AMPD3: variants seen among roughly 807,000 people sequenced by gnomAD.
AMPD3 encodes the protein AMP deaminase 3.
In AMPD3, 57 loss-of-function variants were observed where a neutral mutation model predicts 82.3. The ratio of observed to expected loss-of-function variants is 0.69; its 90% confidence interval spans 0.56 to 0.86. AMPD3 has a LOEUF of 0.86. Ranked by LOEUF, AMPD3 falls within the 40% of genes least tolerant of loss-of-function variation. AMPD3 has a pLI of 0.00. For synonymous variants in AMPD3, 381 were observed against 394.7 expected (o/e 0.97, Z 0.41); for missense variants, 870 against 1,003.8 (o/e 0.87, Z 1.80).
intron 4 of AMPD3, chr11:10,484,334 T>A: frequency 2.0e-6 from 2 of 985,258 alleles, no homozygotes; most frequent in Non-Finnish European, 2.4e-6. Flanking sequence ...AGGGAGTGGC[T>A]TCTTTATCTA....
intron 4 of AMPD3, 57 bp from the exon 5 acceptor site, chr11:10,484,763 C>A: frequency 1.3e-6 from 2 of 1,589,292 alleles, no homozygotes; most frequent in African/African-American, 1.3e-5. Context: ...GTCTTTTGAG[C>A]CCATGTGTGC....
chr11:10,501,345 C>G, intron 11 of AMPD3, 125 bp from the exon 12 acceptor site: 1 of 1,480,826 alleles, frequency 6.8e-7, no homozygotes, highest in Non-Finnish European at 9.0e-7. Flanking sequence ...CCAGGGTGCA[C>G]TGGGTCAGCA....
chr11:10,490,715 G>T, intron 6 of AMPD3: 1 of 918,796 alleles, frequency 1.1e-6, no homozygotes, highest in African/African-American at 1.8e-5. Context: ...CCCCCCTGTG[G>T]TGTGTCATTG....
chr11:10,487,054 T>C (rs1367518212), intron 5 of AMPD3, 181 bp from the exon 6 acceptor site: 4 of 972,920 alleles, frequency 4.1e-6, no homozygotes, highest in Non-Finnish European at 4.9e-6. Context: ...ACTGACTTTA[T>C]AGAGTCTGTG....
chr11:10,493,373 G>A lies in AMPD3; in HGVS notation c.964G>A (p.Ala322Thr), dbSNP rs753220264. 30 of 1,614,036 alleles carry A rather than the reference G, an allele frequency of 1.9e-5. No individual in the cohort carries two copies. The highest frequency in any genetic ancestry group is 1.1e-4 in the East Asian group (5 of 44,886). Reference sequence around the variant, plus strand: ...GGTGGACACACACATCCATGCGGCCGCCTGCATGAACCAAAAGCATCTGCT... The same window carrying A: ...GGTGGACACACACATCCATGCGGCCACCTGCATGAACCAAAAGCATCTGCT... ...RKVDTHIHAA[A>T]CMNQKHLLRF... is the part of the protein sequence containing the mutation. The change falls in exon 7 of 15, where the codon GCC (alanine) becomes ACC (threonine). Residue 322 changes from alanine (A) to threonine (T), a missense_variant. Coordinates refer to ENST00000396553, the MANE Select transcript of AMPD3 (RefSeq NM_001025389.2).
chr11:10,483,796 A>G (rs1408622569), intron 4 of AMPD3, among the ~76,000 whole-genome samples: 1 of 152,248 alleles, frequency 6.6e-6, no homozygotes, highest in East Asian at 1.9e-4. Context: ...CCAAGCACAG[A>G]TGGAGGATGC....
chr11:10,451,102 C>T, upstream of AMPD3: 9 of 1,545,070 alleles, frequency 5.8e-6, no homozygotes, highest in East Asian at 2.4e-5. Context: ...CCCTGCGGCC[C>T]AGGCGGGAAT....
rs949416880 is a variant in AMPD3 at position 10,460,908 on chromosome 11, G to A, written c.-5-607G>A. On this transcript the variant is annotated intron_variant, in intron 1 of 14. Coordinates refer to ENST00000396553, the MANE Select transcript of AMPD3 (RefSeq NM_001025389.2). ...GAGTGAGTTTTCAGCTGGGTAAAGA[G>A]TGTTCTAAAACCTTTATTTTATTTG... 3.0e-6 allele frequency: 3 copies of A among 985,322 alleles called. No individual in the cohort carries two copies. The African/African-American group carries it at 5.2e-5, about 17-fold the overall frequency. The allele number at this position is 985,322 out of a possible 1,614,324, so 61.0% of individuals were successfully genotyped here. A position where few individuals can be genotyped will look rare whatever the true frequency, so the allele number is the denominator to read the frequency against.
chr11:10,462,421 G>A (rs1349734917), intron 2 of AMPD3, among the ~76,000 whole-genome samples: 1 of 152,172 alleles, frequency 6.6e-6, no homozygotes, highest in Non-Finnish European at 1.5e-5. Context: ...TGGAGCCAAG[G>A]TGGAGTCGCC....
chr11:10,487,619 G>C (rs1308041863), intron 6 of AMPD3, among the ~76,000 whole-genome samples: 2 of 152,210 alleles, frequency 1.3e-5, no homozygotes, highest in Non-Finnish European at 2.9e-5. Flanking sequence ...ATATCTGTTG[G>C]GATGTGCCCT....
In AMPD3 at chr11:10,506,335, A is replaced by G. The variant is rs1358678930; in HGVS notation, c.*451A>G. On this transcript the variant is annotated 3_prime_UTR_variant, in exon 15 of 15. Transcript: ENST00000396553. The surrounding 1 kb of genome is among the most constrained non-coding windows in gnomAD (Gnocchi z 4.1). ...AATCAATTTCAAAGCTCCATTTCATAAAGGGGCTACTTTGAAGGAGTTAAG... is the reference window on the plus strand; with the variant it reads ...AATCAATTTCAAAGCTCCATTTCATGAAGGGGCTACTTTGAAGGAGTTAAG... 4.9e-6 allele frequency: 1 copy of G among 204,578 alleles called. No individual in the cohort carries two copies. Among genetic ancestry groups the G allele is most frequent in the Non-Finnish European group, 1.0e-5 (1 of 98,584 alleles). The allele number at this position is 204,578 out of a possible 1,614,324, so 12.7% of individuals were successfully genotyped here.
chr11:10,495,158 G>C, intron 8 of AMPD3, 128 bp downstream of exon 8: 3 of 1,598,728 alleles, frequency 1.9e-6, no homozygotes, highest in Non-Finnish European at 2.6e-6. Flanking sequence ...AGGGAAGGGT[G>C]AGGTGCCCAG....
At chr11:10,480,047 C>A in intron 3 of AMPD3, 1 of 823,350 alleles carries the variant, frequency 1.2e-6, no homozygotes, top group Non-Finnish European at 1.5e-6. Flanking sequence ...CAGCCTGTAG[C>A]ATATAATAGC....
In AMPD3 at chr11:10,466,401, T is replaced by G. The variant is rs186392664; in HGVS notation, c.221+4661T>G. Among the ~76,000 whole-genome samples, 236 of 152,150 alleles carry G rather than the reference T, an allele frequency of 1.6e-3. 1 individual carries two copies. Among genetic ancestry groups the G allele is most frequent in the African/African-American group, 5.3e-3 (218 of 41,504 alleles). On this transcript the variant is annotated intron_variant, in intron 2 of 14. Transcript: ENST00000396553. ...GAGGCTTGAGTAGGAGGTTTTACCC[T>G]CACAGTGTAAACAAAGCCACCAGGA...
In AMPD3 at chr11:10,500,086, G is replaced by A; in HGVS notation, c.1558G>A (p.Val520Met). ...GGTGCTCAGGACCTCTCCTGCCCAGGTGACGGGGTTTGACAGCGTGGATGA... is the reference window on the plus strand; with the variant it reads ...GGTGCTCAGGACCTCTCCTGCCCAGATGACGGGGTTTGACAGCGTGGATGA... ...HRELHLFLKYVTGFDSVDDES... is the reference protein window; with the variant it reads ...HRELHLFLKYMTGFDSVDDES... Residue 520 changes from valine (V) to methionine (M), a missense_variant and splice_region_variant, in exon 11 of 15, where the codon GTG becomes ATG. Transcript: ENST00000396553. 6 of 1,614,224 alleles carry A rather than the reference G, an allele frequency of 3.7e-6. No homozygotes were observed. Among genetic ancestry groups the A allele is most frequent in the Non-Finnish European group, 5.1e-6 (6 of 1,180,032 alleles).
At chr11:10,481,591 T>TA in intron 3 of AMPD3, 1 of 753,612 alleles carries the variant, frequency 1.3e-6, no homozygotes, top group Non-Finnish European at 1.6e-6. Context: ...TAGCTGTACT[T>TA]ACAGCTTTGA....
chr11:10,456,161 T>C lies in AMPD3; in HGVS notation c.-6+713T>C. 1 of 1,397,802 alleles carries C rather than the reference T, an allele frequency of 7.2e-7. No individual in the cohort carries two copies. Among genetic ancestry groups the C allele is most frequent in the South Asian group, 1.7e-5 (1 of 60,430 alleles). The allele number at this position is 1,397,802 out of a possible 1,614,324, so 86.6% of individuals were successfully genotyped here. ...GATTACCTGGGGACTTCAGGGCTCT[T>C]GGAAATTTTCCACTCATATTTCATA... On this transcript the variant is annotated intron_variant, in intron 1 of 14. Transcript: ENST00000396553. This position sits in a 1 kb window ranked among gnomAD's most constrained non-coding sequence, Gnocchi z 4.3.
intron 7 of AMPD3, 171 bp from the exon 8 acceptor site, chr11:10,494,728 G>A (rs1239947243): frequency 1.0e-6 from 1 of 984,920 alleles, no homozygotes; most frequent in Non-Finnish European, 1.2e-6. Flanking sequence ...CTGACCGAGT[G>A]AGGATCCATG....
intron 4 of AMPD3, among the ~76,000 whole-genome samples, chr11:10,483,093 A>C (rs10840425): frequency 0.58 from 87,837 of 152,038 alleles, 25,619 homozygotes; most frequent in East Asian, 0.71. Flanking sequence ...AGGATTAAAC[A>C]GGAGAATGCA....
Sources: allele counts gnomAD v4.1 joint callset (sites outside exome capture counted in the v4.1 genomes callset), GRCh38; gene constraint gnomAD v4.1.1; non-coding constraint Gnocchi (gnomAD v3.1); transcripts MANE v1.5; gene names NCBI Gene and HGNC (gene_info 2026-07-23, HGNC 2026-07-21).